The following TTC7B variants were observed in gnomAD, a reference collection of about 807,000 sequenced individuals.
The protein encoded by TTC7B is tetratricopeptide repeat protein 7B.
A neutral mutation model predicts 106.8 loss-of-function variants in TTC7B; 28 were observed. The observed-to-expected ratio is 0.26, with a 90% CI of 0.19 to 0.36. The LOEUF is 0.36. Among genes scored for constraint, TTC7B ranks in the 10% least tolerant of loss-of-function variants. The pLI is 1.00. For synonymous variants in TTC7B, 405 were observed against 430.6 expected (o/e 0.94, Z 0.74); for missense variants, 862 against 1,076.4 (o/e 0.80, Z 2.79).
chr14:90,747,757 A>G (rs1224018328), intron 3 of TTC7B, among the ~76,000 whole-genome samples: 1 of 152,138 alleles, frequency 6.6e-6, no homozygotes, highest in East Asian at 1.9e-4. Context: ...GCATTTGCCT[A>G]TTTCTCCTTG....
chr14:90,633,827 G>A (rs963597648), intron 15 of TTC7B, among the ~76,000 whole-genome samples: 28 of 152,104 alleles, frequency 1.8e-4, no homozygotes, highest in African/African-American at 4.8e-4. Context: ...TGAATCCATC[G>A]GAATTCATGA....
chr14:90,593,680 A>C, intron 17 of TTC7B, 54 bp from the exon 18 acceptor site: 1 of 1,495,454 alleles, frequency 6.7e-7, no homozygotes, highest in Non-Finnish European at 9.0e-7. Flanking sequence ...AGACCCAACC[A>C]ATCAACCCCT....
rs1555387193 is a variant in TTC7B, at chr14:90,663,624, C to T, written c.1153-5237G>A. Among the ~76,000 whole-genome samples, 1 of 152,218 alleles carries T rather than the reference C, an allele frequency of 6.6e-6. No individual in the cohort carries two copies. Among genetic ancestry groups the T allele is most frequent in the Non-Finnish European group, 1.5e-5 (1 of 68,038 alleles). On this transcript the variant is annotated intron_variant, in intron 9 of 19. Coordinates refer to ENST00000328459, the MANE Select transcript of TTC7B (RefSeq NM_001010854.2). The surrounding 1 kb of genome is among the most constrained non-coding windows in gnomAD (Gnocchi z 4.5). ...CAAAGTTCTCAATCGACAAAGATTACATGAGTCCTGTGTTTCCTCTACAGG... is the reference window on the plus strand; with the variant it reads ...CAAAGTTCTCAATCGACAAAGATTATATGAGTCCTGTGTTTCCTCTACAGG...
intron 3 of TTC7B, among the ~76,000 whole-genome samples, chr14:90,755,182 C>T (rs141423561): frequency 3.3e-5 from 5 of 152,212 alleles, no homozygotes; most frequent in African/African-American, 1.2e-4. Flanking sequence ...GAGGTATTGG[C>T]TCTTGTGTGG....
intron 1 of TTC7B, among the ~76,000 whole-genome samples, chr14:90,796,138 C>A (rs767620067): frequency 1.2e-4 from 18 of 152,158 alleles, no homozygotes; most frequent in Non-Finnish European, 2.4e-4. Context: ...AGCTGGGTGA[C>A]CCCGGCCCAC....
chr14:90,798,880 C>T (rs929745922), intron 1 of TTC7B, among the ~76,000 whole-genome samples: 1 of 152,038 alleles, frequency 6.6e-6, no homozygotes, highest in Non-Finnish European at 1.5e-5. Context: ...ACCATATACC[C>T]TATAATTCGA....
intron 15 of TTC7B, among the ~76,000 whole-genome samples, chr14:90,643,134 C>A (rs1885256714): frequency 6.6e-6 from 1 of 152,158 alleles, no homozygotes; most frequent in Admixed American, 6.5e-5. Context: ...CTAGGCTGGG[C>A]ACAGTGGCTC....
chr14:90,631,661 C>G (rs1258986342), intron 15 of TTC7B, among the ~76,000 whole-genome samples: 1 of 152,150 alleles, frequency 6.6e-6, no homozygotes, highest in Non-Finnish European at 1.5e-5. Context: ...CCATCTCAGC[C>G]TCCCAAAGTG....
chr14:90,605,371 A>G (rs1892596310), intron 17 of TTC7B, among the ~76,000 whole-genome samples: 2 of 152,252 alleles, frequency 1.3e-5, no homozygotes, highest in African/African-American at 2.4e-5. Flanking sequence ...CGTTCTGCCC[A>G]GAAGGTTTCC....
chr14:90,593,717 C>A (rs921212719), intron 17 of TTC7B, 91 bp from the exon 18 acceptor site: 2 of 1,249,652 alleles, frequency 1.6e-6, no homozygotes, highest in African/African-American at 1.5e-5. Context: ...GCGGAACACA[C>A]ACACCCCTTC....
At position 90,742,799 on chromosome 14, in the gene TTC7B, G is replaced by A. The variant is rs1889820066; in HGVS notation, c.576+1993C>T. Among the ~76,000 whole-genome samples the A allele has an allele frequency of 1.3e-5, 2 of 152,206 alleles. No individual in the cohort carries two copies. Among genetic ancestry groups the A allele is most frequent in the South Asian group, 4.1e-4 (2 of 4,834 alleles). Reference sequence around the variant, plus strand: ...CAGCACTGAATGGGGTGTTGTGAGTGAACATAACAGAAGTGTATTCAGATC... The same window carrying A: ...CAGCACTGAATGGGGTGTTGTGAGTAAACATAACAGAAGTGTATTCAGATC... On this transcript the variant is annotated intron_variant, in intron 4 of 19. Transcript: ENST00000328459. The surrounding 1 kb of genome is among the most constrained non-coding windows in gnomAD (Gnocchi z 4.1).
chr14:90,561,840 G>T lies in TTC7B; in HGVS notation c.2310+16266C>A, dbSNP rs150658252. Among the ~76,000 whole-genome samples the T allele has an allele frequency of 5.8e-4, 88 of 152,338 alleles. 2 individuals are homozygous for T. The East Asian group carries it at 0.015, about 26-fold the overall frequency. Reference sequence around the variant, plus strand: ...CAGACTGGGGCTGTGGAAACAGGAGGGTTGGCGAGTCTGGCAAAGCCAGCC... The same window carrying T: ...CAGACTGGGGCTGTGGAAACAGGAGTGTTGGCGAGTCTGGCAAAGCCAGCC... On this transcript the variant is annotated intron_variant, in intron 19 of 19. Coordinates refer to ENST00000328459, the MANE Select transcript of TTC7B (RefSeq NM_001010854.2).
At chr14:90,637,319 T>C (rs1884987156) in intron 15 of TTC7B, among the ~76,000 whole-genome samples, 1 of 152,010 alleles carries the variant, frequency 6.6e-6, no homozygotes, top group Non-Finnish European at 1.5e-5. Context: ...ACATTATACA[T>C]AGCTTAATAA....
chr14:90,716,279 C>A (rs940356587), intron 5 of TTC7B, among the ~76,000 whole-genome samples: 3 of 152,194 alleles, frequency 2.0e-5, no homozygotes, highest in Admixed American at 6.5e-5. Context: ...CAGATAGCAA[C>A]TGGGGGATGG....
intron 5 of TTC7B, among the ~76,000 whole-genome samples, chr14:90,710,282 G>A (rs562811033): frequency 1.3e-5 from 2 of 152,292 alleles, no homozygotes; most frequent in African/African-American, 2.4e-5. Flanking sequence ...AGTGGGGCCT[G>A]AAGATGTGAC....
intron 19 of TTC7B, among the ~76,000 whole-genome samples, chr14:90,547,413 T>C (rs976527560): frequency 6.6e-6 from 1 of 152,250 alleles, no homozygotes; most frequent in Non-Finnish European, 1.5e-5. Flanking sequence ...GGCTCCTGTG[T>C]GCAAGGTTTC....
intron 17 of TTC7B, among the ~76,000 whole-genome samples, chr14:90,601,330 G>A (rs927226477): frequency 1.3e-5 from 2 of 152,110 alleles, no homozygotes; most frequent in African/African-American, 4.8e-5. Flanking sequence ...GTCACTTCCT[G>A]ATCATGATAT....
chr14:90,528,722 A>G lies in TTC7B; in HGVS notation c.*12646T>C, dbSNP rs139840359. On this transcript the variant is annotated 3_prime_UTR_variant, in exon 20 of 20. Transcript: ENST00000328459. ...TGGTGTGACCTGACTGCGCTTTGTT[A>G]CCTGTTTCTGATGGTTGTTTCTGAT... is the stretch of plus-strand genomic sequence containing the variant. 1.3e-4 allele frequency: 20 copies of G among 151,732 alleles called. No individual in the cohort carries two copies. The highest frequency in any genetic ancestry group is 4.9e-4 in the African/African-American group (20 of 40,836). 9.4% of individuals were successfully genotyped at this position (151,732 alleles called of 1,614,324 possible). A position where few individuals can be genotyped will look rare whatever the true frequency, so the allele number is the denominator to read the frequency against.
At chr14:90,705,954 T>C (rs953923908) in intron 5 of TTC7B, among the ~76,000 whole-genome samples, 1 of 152,168 alleles carries the variant, frequency 6.6e-6, no homozygotes, top group African/African-American at 2.4e-5. Context: ...ATGCCTCTGT[T>C]CTCTGTATTT....
Sources: gnomAD v4.1 joint callset for allele counts (sites outside exome capture counted in the v4.1 genomes callset) on GRCh38, gnomAD v4.1.1 for gene constraint, Gnocchi (gnomAD v3.1) non-coding constraint, MANE v1.5 for transcripts, NCBI Gene and HGNC (gene_info 2026-07-23, HGNC 2026-07-21) for gene names.